The following ATP1B2 variants were observed in gnomAD, a reference collection of about 807,000 sequenced individuals.
ATP1B2 encodes sodium/potassium-transporting ATPase subunit beta-2.
ATP1B2 carries 12 observed loss-of-function variants against 37.3 expected under a neutral mutation model. The observed-to-expected ratio is 0.32, with a 90% confidence interval of 0.21 to 0.52. The LOEUF (loss-of-function observed/expected upper bound fraction) is 0.52. ATP1B2 is among the 20% of genes least tolerant of loss of function. The pLI, the probability that ATP1B2 is intolerant of heterozygous loss-of-function variation, is 0.96. For synonymous variants in ATP1B2, 139 were observed against 140.5 expected, an observed-to-expected ratio of 0.99 and a Z score of 0.07; for missense variants, 324 against 391.6, an observed-to-expected ratio of 0.83 and a Z score of 1.46.
chr17:7,652,030 C>G (rs1208684832), intron 1 of ATP1B2, among the ~76,000 whole-genome samples: 1 of 152,102 alleles, frequency 6.6e-6, no homozygotes, highest in Non-Finnish European at 1.5e-5. Flanking sequence ...GTGCCCACCC[C>G]CTGGACCCTG....
In ATP1B2 at chr17:7,653,517, TC is replaced by T. The variant is rs1205234370; in HGVS notation, c.241+20del. Reference sequence around the variant, plus strand: ...GGCCACACCGGGTGAGTGTGGAGGCTCCCCCTGCCAGCTACTCTAACTGCTC... The same window carrying T: ...GGCCACACCGGGTGAGTGTGGAGGCTCCCCTGCCAGCTACTCTAACTGCTC... On this transcript the variant is annotated intron_variant, in intron 2 of 6. Transcript: ENST00000250111. 3 of 1,613,290 alleles carry T rather than the reference TC, an allele frequency of 1.9e-6. No homozygotes were observed. Among genetic ancestry groups the T allele is most frequent in the East Asian group, 2.2e-5 (1 of 44,860 alleles).
Position 7,654,478 on chromosome 17 carries a change from C to A in ATP1B2, c.553-150C>A. On this transcript the variant is annotated intron_variant, in intron 4 of 6. Coordinates refer to ENST00000250111, the MANE Select transcript of ATP1B2 (RefSeq NM_001678.5). The surrounding 1 kb of genome is among the most constrained non-coding windows in gnomAD (Gnocchi z 4.9). ...TTAGACAGGGTCTTGCTATGTTGCCCAGGCTGGCCTTGAACTCCTGGAATT... is the reference window on the plus strand; with the variant it reads ...TTAGACAGGGTCTTGCTATGTTGCCAAGGCTGGCCTTGAACTCCTGGAATT... 1.0e-6 allele frequency: 1 copy of A among 1,002,264 alleles called. No individual in the cohort carries two copies. The highest frequency in any genetic ancestry group is 1.5e-6 in the Non-Finnish European group (1 of 654,598). The allele number at this position is 1,002,264 out of a possible 1,614,324, so 62.1% of individuals were successfully genotyped here.
chr17:7,649,242 G>A (rs1694520790), upstream of ATP1B2, among the ~76,000 whole-genome samples: 3 of 151,432 alleles, frequency 2.0e-5, no homozygotes, highest in Admixed American at 6.6e-5. Context: ...TAGTAGAGAC[G>A]CAGTTTCACC....
chr17:7,653,489 A>T lies in ATP1B2; in HGVS notation c.228A>T (p.Arg76=). ...VSDHTPKYQD[R]LATPGLMIRP... The stretch of plus-strand genomic sequence containing the variant: ...ACCATACCCCCAAGTACCAGGACCG[A>T]CTGGCCACACCGGGTGAGTGTGGAG... The change falls in exon 2 of 7, where the codon CGA becomes CGT. Residue 76 remains arginine, a synonymous_variant. Coordinates refer to ENST00000250111, the MANE Select transcript of ATP1B2 (RefSeq NM_001678.5). The T allele has an allele frequency of 6.2e-7, 1 of 1,614,052 alleles. No homozygotes were observed. Among genetic ancestry groups the T allele is most frequent in the Non-Finnish European group, 8.5e-7 (1 of 1,179,984 alleles).
At position 7,653,444 on chromosome 17, in the gene ATP1B2, G is replaced by A. The variant is rs765777943; in HGVS notation, c.183G>A (p.Val61=). The A allele has an allele frequency of 6.2e-7, 1 of 1,614,098 alleles. No homozygotes were observed. Among genetic ancestry groups the A allele is most frequent in the Admixed American group, 1.7e-5 (1 of 60,010 alleles). The change falls in exon 2 of 7, where the codon GTG becomes GTA. Residue 61 remains valine (V), a synonymous_variant. Coordinates refer to ENST00000250111, the MANE Select transcript of ATP1B2 (RefSeq NM_001678.5). ...CCATGTTCACCCTCACCATGTGGGTGATGCTGCAGACTGTCTCCGACCATA... is the reference window on the plus strand; with the variant it reads ...CCATGTTCACCCTCACCATGTGGGTAATGCTGCAGACTGTCTCCGACCATA... ...LTAMFTLTMW[V]MLQTVSDHTP...
At chr17:7,648,852 C>T (rs900395983), upstream of ATP1B2, among the ~76,000 whole-genome samples, 9 of 152,080 alleles carry the variant, frequency 5.9e-5, no homozygotes, top group African/African-American at 9.7e-5. Flanking sequence ...CAGGGTACTC[C>T]GCAATCCACA....
intron 1 of ATP1B2, among the ~76,000 whole-genome samples, chr17:7,652,525 C>T (rs2072621012): frequency 1.3e-5 from 2 of 152,120 alleles, no homozygotes; most frequent in Admixed American, 1.3e-4. Flanking sequence ...GGGGCCTACA[C>T]GAAGTGGGTC....
chr17:7,649,053 T>A (rs2072592736), upstream of ATP1B2, among the ~76,000 whole-genome samples: 1 of 152,158 alleles, frequency 6.6e-6, no homozygotes, highest in Non-Finnish European at 1.5e-5. Flanking sequence ...ATTCATTCAT[T>A]CAATGCATAC....
upstream of ATP1B2, among the ~76,000 whole-genome samples, chr17:7,650,472 G>C (rs936702776): frequency 2.6e-5 from 4 of 152,044 alleles, no homozygotes; most frequent in Admixed American, 2.0e-4. Context: ...CTCCTGGCTC[G>C]GCCAGCCTCC....
At position 7,655,111 on chromosome 17, in the gene ATP1B2, G is replaced by A; in HGVS notation, c.610-416G>A. 1 of 313,034 alleles carries A rather than the reference G, an allele frequency of 3.2e-6. No homozygotes were observed. The highest frequency in any genetic ancestry group is 4.5e-5 in the South Asian group (1 of 22,366). The allele number at this position is 313,034 out of a possible 1,614,324, so 19.4% of individuals were successfully genotyped here. ...TCTGCCACCAGTTCGTTGTCCTTGG[G>A]ACCCTGTTCCCCGCTTCCCCCCCGG... On this transcript the variant is annotated intron_variant, in intron 5 of 6. Transcript: ENST00000250111. The surrounding 1 kb of genome is among the most constrained non-coding windows in gnomAD (Gnocchi z 4.4).
chr17:7,648,793 G>T (rs1363702013), upstream of ATP1B2, among the ~76,000 whole-genome samples: 2 of 151,938 alleles, frequency 1.3e-5, no homozygotes, highest in Non-Finnish European at 2.9e-5. Flanking sequence ...TTCTTCAGTG[G>T]CTTCTTATTA....
Position 7,655,211 on chromosome 17 carries a change from C to T in ATP1B2, c.610-316C>T. The T allele has an allele frequency of 4.5e-6, 2 of 440,974 alleles. No individual in the cohort carries two copies. Among genetic ancestry groups the T allele is most frequent in the Non-Finnish European group, 8.2e-6 (2 of 244,772 alleles). 27.3% of individuals were successfully genotyped at this position (440,974 alleles called of 1,614,324 possible). ...TCCTATTCAACCCTTAATCATGTAT[C>T]TCTTCTTTCTTGGCTCTGCTCCAGA... is the stretch of plus-strand genomic sequence containing the variant. On this transcript the variant is annotated intron_variant, in intron 5 of 6. Coordinates refer to ENST00000250111, the MANE Select transcript of ATP1B2 (RefSeq NM_001678.5). This position sits in a 1 kb window ranked among gnomAD's most constrained non-coding sequence, Gnocchi z 4.4.
intron 1 of ATP1B2, 103 bp from the exon 2 acceptor site, chr17:7,653,271 C>A: frequency 6.6e-7 from 1 of 1,506,674 alleles, no homozygotes; most frequent in Admixed American, 1.8e-5. Flanking sequence ...GCTCTGTGAT[C>A]AGTCCCAGTG....
chr17:7,655,431 C>T lies in ATP1B2; in HGVS notation c.610-96C>T, dbSNP rs370399027. 71 of 1,220,856 alleles carry T rather than the reference C, an allele frequency of 5.8e-5. No individual in the cohort carries two copies. The East Asian group carries it at 8.5e-4, about 15-fold the overall frequency. The allele number at this position is 1,220,856 out of a possible 1,614,324, so 75.6% of individuals were successfully genotyped here. On this transcript the variant is annotated intron_variant, in intron 5 of 6. Transcript: ENST00000250111. This position sits in a 1 kb window ranked among gnomAD's most constrained non-coding sequence, Gnocchi z 4.4. ...AGACTTGAGACAGGAATAATTGGGG[C>T]GAAGGAAGAACAAAAGAACAAATGG...
upstream of ATP1B2, among the ~76,000 whole-genome samples, chr17:7,650,607 G>A (rs539974169): frequency 5.3e-5 from 8 of 152,184 alleles, no homozygotes; most frequent in South Asian, 1.7e-3. Flanking sequence ...CCTGCCTGGG[G>A]CCCCCACCTT....
intron 1 of ATP1B2, among the ~76,000 whole-genome samples, chr17:7,652,017 C>T (rs998301375): frequency 1.3e-4 from 20 of 152,262 alleles, no homozygotes; most frequent in African/African-American, 4.8e-4. Context: ...CTATTTTTAG[C>T]TCGTGCCCAC....
chr17:7,654,433 G>A lies in ATP1B2; in HGVS notation c.552+176G>A, dbSNP rs77759091. ...GGCTAAGCTCTGCAGTTAGAAGGCT[G>A]GATGCCTTTTGTTTTTTTTTTAGAC... On this transcript the variant is annotated intron_variant, in intron 4 of 6. Coordinates refer to ENST00000250111, the MANE Select transcript of ATP1B2 (RefSeq NM_001678.5). This position sits in a 1 kb window ranked among gnomAD's most constrained non-coding sequence, Gnocchi z 4.9. Among the ~76,000 whole-genome samples, 6,059 of 152,106 alleles carry A rather than the reference G, an allele frequency of 0.04. 403 individuals carry two copies. Among genetic ancestry groups the A allele is most frequent in the African/African-American group, 0.14 (5,679 of 41,398 alleles).
intron 1 of ATP1B2, among the ~76,000 whole-genome samples, chr17:7,651,965 C>A (rs1217493771): frequency 1.3e-5 from 2 of 152,156 alleles, no homozygotes; most frequent in Non-Finnish European, 2.9e-5. Flanking sequence ...CCAAAGAGCG[C>A]CCCTTCCCTC....
chr17:7,652,493 G>A (rs188322647), intron 1 of ATP1B2, among the ~76,000 whole-genome samples: 1 of 152,198 alleles, frequency 6.6e-6, no homozygotes, highest in Admixed American at 6.5e-5. Flanking sequence ...ACTGGGCACC[G>A]TCCCCATCAG....
Sources: allele counts gnomAD v4.1 joint callset (sites outside exome capture counted in the v4.1 genomes callset), GRCh38; gene constraint gnomAD v4.1.1; non-coding constraint Gnocchi (gnomAD v3.1); transcripts MANE v1.5; gene names NCBI Gene and HGNC (gene_info 2026-07-23, HGNC 2026-07-21).